VPS13D: variants seen among roughly 807,000 people sequenced by gnomAD.
The protein encoded by VPS13D is intermembrane lipid transfer protein VPS13D.
In VPS13D, 187 loss-of-function variants were observed where a neutral mutation model predicts 461.9. The observed-to-expected ratio is 0.40, with a 90% CI of 0.36 to 0.46. VPS13D has a LOEUF of 0.46. Ranked by LOEUF, VPS13D falls within the 20% of genes least tolerant of loss-of-function variation. VPS13D has a pLI of 0.60. For synonymous variants in VPS13D, 1,951 were observed against 1,986.3 expected (o/e 0.98, Z 0.47); for missense variants, 4,711 against 5,364.9 (o/e 0.88, Z 3.81).
intron 52 of VPS13D, 100 bp downstream of exon 52, chr1:12,363,347 G>A: frequency 7.6e-7 from 1 of 1,316,242 alleles, no homozygotes; most frequent in Non-Finnish European, 1.0e-6. Flanking sequence ...AATATTTCTG[G>A]CTCAGACAGA....
At chr1:12,307,040 C>A (rs1569862194) in intron 26 of VPS13D, among the ~76,000 whole-genome samples, 1 of 152,212 alleles carries the variant, frequency 6.6e-6, no homozygotes, top group African/African-American at 2.4e-5. Flanking sequence ...TCCTTACCCC[C>A]TTCTAGCAGA....
chr1:12,235,649 A>G (rs1420488181), intron 2 of VPS13D, among the ~76,000 whole-genome samples: 1 of 152,204 alleles, frequency 6.6e-6, no homozygotes, highest in Non-Finnish European at 1.5e-5. Context: ...GCGCTAGGCC[A>G]TGGGCAGAGC....
chr1:12,478,089 C>T (rs1236157052), intron 67 of VPS13D, among the ~76,000 whole-genome samples: 2 of 152,220 alleles, frequency 1.3e-5, no homozygotes, highest in Non-Finnish European at 2.9e-5. Flanking sequence ...CAGCTCGGGG[C>T]CTATATATAG....
Position 12,509,116 on chromosome 1 carries a change from G to T in VPS13D, c.*92G>T. The stretch of plus-strand genomic sequence containing the variant: ...CTCAGCTGACGATGGAGGCAGAACC[G>T]GAGTCGGGTTTGGGGAAGTTGTCAA... On this transcript the variant is annotated 3_prime_UTR_variant, in exon 70 of 70. Transcript: ENST00000620676. 6.9e-7 allele frequency: 1 copy of T among 1,454,578 alleles called. No homozygotes were observed. Among genetic ancestry groups the T allele is most frequent in the South Asian group, 1.5e-5 (1 of 64,546 alleles). The allele number at this position is 1,454,578 out of a possible 1,614,324, so 90.1% of individuals were successfully genotyped here. A position where few individuals can be genotyped will look rare whatever the true frequency, so the allele number is the denominator to read the frequency against.
intron 49 of VPS13D, among the ~76,000 whole-genome samples, chr1:12,357,728 G>A (rs1018681267): frequency 1.3e-5 from 2 of 152,192 alleles, no homozygotes; most frequent in Non-Finnish European, 2.9e-5. Flanking sequence ...GTATCAGGCC[G>A]GCTGGGTACG....
In VPS13D at chr1:12,261,122, G is replaced by C. The variant is rs758763364; in HGVS notation, c.1387G>C (p.Glu463Gln). ...TGAGGGACTGTCAGCAGAGCAACAG[G>C]AGCAGTGGATTCCTGAAGAGATCCT... ...VVEGLSAEQQ[E>Q]QWIPEEILGT... Residue 463 changes from glutamate to glutamine, a missense_variant, in exon 12 of 70, where the codon GAG becomes CAG. Physicochemically the swap from Glu to Gln is conservative, Grantham distance 29. Coordinates refer to ENST00000620676, the MANE Select transcript of VPS13D (RefSeq NM_015378.4). 3.7e-6 allele frequency: 6 copies of C among 1,614,220 alleles called. No individual in the cohort carries two copies. The highest frequency in any genetic ancestry group is 5.1e-6 in the Non-Finnish European group (6 of 1,180,042).
In VPS13D at chr1:12,291,035, G is replaced by A; in HGVS notation, c.5763G>A (p.Leu1921=). 3 of 1,614,050 alleles carry A rather than the reference G, an allele frequency of 1.9e-6. No homozygotes were observed. The highest frequency in any genetic ancestry group is 2.5e-6 in the Non-Finnish European group (3 of 1,179,986). The change falls in exon 23 of 70, where the codon CTG becomes CTA. Residue 1921 remains leucine (L), a synonymous_variant. Transcript: ENST00000620676. ...CCTTACAGGGCAGCATTGGGAGTCT[G>A]TCTCTAAGTGACCTCACATGCCATG... is the stretch of plus-strand genomic sequence containing the variant. ...DLALQGSIGS[L]SLSDLTCHGE...
intron 8 of VPS13D, 80 bp from the exon 9 acceptor site, chr1:12,256,907 T>C: frequency 6.9e-7 from 1 of 1,458,924 alleles, no homozygotes; most frequent in Non-Finnish European, 9.5e-7. Context: ...ATGTGAATTG[T>C]TCTTGTTAGA....
Position 12,304,694 on chromosome 1 carries a change from C to T in VPS13D, c.6405C>T (p.Pro2135=), listed in dbSNP as rs1458803353. Residue 2135 remains proline (P), a synonymous_variant, in exon 26 of 70, where the codon CCC becomes CCT. Coordinates refer to ENST00000620676, the MANE Select transcript of VPS13D (RefSeq NM_015378.4). ...STSTKQQGPQ[P]TLSVGQESSS... is the part of the protein sequence containing the mutation. ...CCACCAAGCAGCAAGGGCCGCAACC[C>T]ACACTGTCTGTTGGCCAAGAGTCCA... 6.2e-7 allele frequency: 1 copy of T among 1,613,956 alleles called. No individual in the cohort carries two copies. The highest frequency in any genetic ancestry group is 2.2e-5 in the East Asian group (1 of 44,874).
At chr1:12,333,988 ACATT>A (rs1643391608) in intron 38 of VPS13D, among the ~76,000 whole-genome samples, 1 of 152,238 alleles carries the variant, frequency 6.6e-6, no homozygotes, top group Non-Finnish European at 1.5e-5. Context: ...GTGAAAACTC[ACATT>A]CATTGTTTGA....
At chr1:12,447,457 C>T (rs1366291707) in intron 65 of VPS13D, among the ~76,000 whole-genome samples, 5 of 152,174 alleles carry the variant, frequency 3.3e-5, no homozygotes, top group East Asian at 1.9e-4. Context: ...TGGCACATGA[C>T]GAACGTTGTT....
At chr1:12,338,186 C>T (rs1557718356) in intron 39 of VPS13D, 45 bp from the exon 40 acceptor site, 1 of 1,519,984 alleles carries the variant, frequency 6.6e-7, no homozygotes, top group African/African-American at 1.4e-5. Flanking sequence ...TCTTATTTCA[C>T]TGTATTTATT....
At chr1:12,243,469 C>T (rs778253165) in intron 3 of VPS13D, among the ~76,000 whole-genome samples, 10 of 152,074 alleles carry the variant, frequency 6.6e-5, no homozygotes, top group Admixed American at 2.0e-4. Flanking sequence ...CTGGATTACA[C>T]GGTTGATCAT....
chr1:12,304,445 C>T, intron 25 of VPS13D, 61 bp from the exon 26 acceptor site: 1 of 1,466,320 alleles, frequency 6.8e-7, no homozygotes, highest in South Asian at 1.2e-5. Flanking sequence ...GATAGAGTCC[C>T]ACCACCAGTG....
intron 50 of VPS13D, among the ~76,000 whole-genome samples, chr1:12,361,252 A>G (rs1643942444): frequency 6.6e-6 from 1 of 152,030 alleles, no homozygotes; most frequent in African/African-American, 2.4e-5. Flanking sequence ...TATTTCTATG[A>G]TAAATATTTT....
At chr1:12,413,807 C>T (rs867790478) in intron 63 of VPS13D, among the ~76,000 whole-genome samples, 20 of 151,296 alleles carry the variant, frequency 1.3e-4, no homozygotes, top group African/African-American at 4.4e-4. Flanking sequence ...ACGATCTATA[C>T]CAAGTGTTGA....
chr1:12,506,257 G>A (rs1646104416), intron 68 of VPS13D, among the ~76,000 whole-genome samples: 1 of 152,180 alleles, frequency 6.6e-6, no homozygotes, highest in Non-Finnish European at 1.5e-5. Flanking sequence ...TGTTGGAGTG[G>A]CCCTAAAGCT....
At chr1:12,378,851 C>G (rs913323517) in intron 56 of VPS13D, among the ~76,000 whole-genome samples, 3 of 152,204 alleles carry the variant, frequency 2.0e-5, no homozygotes, top group Middle Eastern at 3.2e-3. Flanking sequence ...ATTTCTTCCA[C>G]CCAAATTCCA....
intron 22 of VPS13D, 32 bp from the exon 23 acceptor site, chr1:12,290,966 A>G (rs191439334): frequency 6.3e-7 from 1 of 1,575,916 alleles, no homozygotes; most frequent in Admixed American, 1.9e-5. Flanking sequence ...AAAAGGATAC[A>G]TAGTAATGTG....
Sources: gnomAD v4.1 joint callset for allele counts (sites outside exome capture counted in the v4.1 genomes callset) on GRCh38, gnomAD v4.1.1 for gene constraint, MANE v1.5 for transcripts, NCBI Gene and HGNC (gene_info 2026-07-23, HGNC 2026-07-21) for gene names.